AXDND1: variants seen among roughly 807,000 people sequenced by gnomAD.
The protein encoded by AXDND1 is axonemal dynein light chain domain containing 1.
Under a neutral mutation model 137.5 loss-of-function variants are expected in AXDND1, and 110 were observed. That is an observed-to-expected ratio of 0.80 (90% CI 0.69 to 0.94). The LOEUF (loss-of-function observed/expected upper bound fraction) is 0.94. Among genes scored for constraint, AXDND1 ranks in the 40% least tolerant of loss-of-function variants. The probability of loss-of-function intolerance (pLI) is 0.00; values close to 1 mark genes in which losing one functional copy is unlikely to be tolerated. For synonymous variants in AXDND1, 414 were observed against 399.7 expected (o/e 1.04, Z -0.43); for missense variants, 1,191 against 1,169.8 (o/e 1.02, Z -0.26).
intron 12 of AXDND1, among the ~76,000 whole-genome samples, chr1:179,419,460 G>A (rs1287256086): frequency 1.3e-5 from 2 of 148,828 alleles, no homozygotes; most frequent in African/African-American, 4.9e-5. Flanking sequence ...AAAAAAATAC[G>A]AAAACCAGTC....
At chr1:179,458,317 T>A (rs1162207384) in intron 16 of AXDND1, among the ~76,000 whole-genome samples, 1 of 152,134 alleles carries the variant, frequency 6.6e-6, no homozygotes, top group African/African-American at 2.4e-5. Flanking sequence ...CATAGCTAAG[T>A]TTTATTTAAA....
At chr1:179,480,943 T>A (rs1391536026) in intron 17 of AXDND1, among the ~76,000 whole-genome samples, 1 of 150,316 alleles carries the variant, frequency 6.7e-6, no homozygotes, top group Non-Finnish European at 1.5e-5. Flanking sequence ...TTATTTATTT[T>A]TATTTAAAAT....
At chr1:179,502,611 G>C (rs1358511380) in intron 20 of AXDND1, among the ~76,000 whole-genome samples, 2 of 145,836 alleles carry the variant, frequency 1.4e-5, no homozygotes, top group East Asian at 4.0e-4. Context: ...GGCAATACAA[G>C]TGTTAACAAG....
intron 20 of AXDND1, among the ~76,000 whole-genome samples, chr1:179,502,310 A>G (rs1668071007): frequency 6.6e-6 from 1 of 152,202 alleles, no homozygotes; most frequent in Non-Finnish European, 1.5e-5. Context: ...TACGCCTGTA[A>G]TCTCAGCACT....
intron 11 of AXDND1, among the ~76,000 whole-genome samples, chr1:179,408,139 GTT>G: frequency 6.6e-6 from 1 of 151,790 alleles, no homozygotes; most frequent in Non-Finnish European, 1.5e-5. Flanking sequence ...ACCTGTCTCT[GTT>G]GAGTTTCTCA....
chr1:179,524,426 TAAA>T (rs1670354094), intron 21 of AXDND1, among the ~76,000 whole-genome samples: 1 of 152,190 alleles, frequency 6.6e-6, no homozygotes, highest in Non-Finnish European at 1.5e-5. Flanking sequence ...TCTTCCATCT[TAAA>T]CTCCAGATCC....
chr1:179,473,402 G>A lies in AXDND1; in HGVS notation c.1997+4761G>A, dbSNP rs558515951. On this transcript the variant is annotated intron_variant, in intron 17 of 25. Transcript: ENST00000367618. ...AATCCCAGCTACTTGGGAGGCTGAG[G>A]CAGGAGAATTGCTTGAATCCAAGAG... 6.6e-5 allele frequency among the ~76,000 whole-genome samples: 10 copies of A among 152,192 alleles called. No individual in the cohort carries two copies. In the South Asian group the frequency reaches 1.2e-3, roughly 19 times the overall value.
At chr1:179,369,875 G>T in intron 3 of AXDND1, 100 bp from the exon 4 acceptor site, 1 of 763,272 alleles carries the variant, frequency 1.3e-6, no homozygotes, top group Non-Finnish European at 2.1e-6. Flanking sequence ...GTACCCAAGT[G>T]CCCTTAATGT....
intron 4 of AXDND1, among the ~76,000 whole-genome samples, chr1:179,376,175 G>C (rs1187034285): frequency 6.6e-6 from 1 of 152,128 alleles, no homozygotes. Context: ...GGCTCTCTGT[G>C]TTTAGTTCTC....
chr1:179,502,955 C>G (rs1360283477), intron 20 of AXDND1, among the ~76,000 whole-genome samples: 1 of 151,970 alleles, frequency 6.6e-6, no homozygotes, highest in South Asian at 2.1e-4. Flanking sequence ...ATTAGCCAGG[C>G]GTGGTGGCGC....
At chr1:179,533,128 A>G (rs1265950924) in intron 23 of AXDND1, 2 of 152,094 alleles carry the variant, frequency 1.3e-5, no homozygotes, top group East Asian at 1.9e-4. Context: ...TATACCTGAC[A>G]CTGCTTGAGA....
intron 17 of AXDND1, among the ~76,000 whole-genome samples, chr1:179,472,116 C>G (rs1020350763): frequency 2.0e-5 from 3 of 152,166 alleles, no homozygotes; most frequent in African/African-American, 4.8e-5. Context: ...AGGCTAGTCT[C>G]GAATTCCTGA....
chr1:179,393,738 T>C lies in AXDND1; in HGVS notation c.864-165T>C, dbSNP rs184070373. Reference sequence around the variant, plus strand: ...TTTTCTTTTCTTTTTCTTTTTCTTTTTTTTTGCAGCTGTTGTAAAAGGGAT... The same window carrying C: ...TTTTCTTTTCTTTTTCTTTTTCTTTCTTTTTGCAGCTGTTGTAAAAGGGAT... On this transcript the variant is annotated intron_variant, in intron 9 of 25. Transcript: ENST00000367618. Among the ~76,000 whole-genome samples the C allele has an allele frequency of 5.6e-3, 854 of 152,266 alleles. 4 individuals are homozygous for C. The highest frequency in any genetic ancestry group is 0.01 in the Middle Eastern group (3 of 294).
Position 179,534,848 on chromosome 1 carries a change from G to T in AXDND1, c.2917G>T (p.Glu973Ter). The stretch of plus-strand genomic sequence containing the variant: ...GGAATTAGTCATGACATCAAGAAAG[G>T]AGTCTAAAGAAGAGAAAGAAAATCA... ...LEELVMTSRK[E>*]SKEEKENQDE... is the part of the protein sequence containing the mutation. Residue 973 changes from glutamate to a stop codon, truncating the protein, a stop_gained, in exon 25 of 26, where the codon GAG becomes TAG. Coordinates refer to ENST00000367618, the MANE Select transcript of AXDND1 (RefSeq NM_144696.6). LOFTEE classifies it high-confidence loss of function. The T allele has an allele frequency of 6.2e-7, 1 of 1,611,148 alleles. No homozygotes were observed. The highest frequency in any genetic ancestry group is 8.5e-7 in the Non-Finnish European group (1 of 1,179,404).
chr1:179,391,514 TTTATTTATTTATTTATTTAC>T (rs1438054584), intron 9 of AXDND1, among the ~76,000 whole-genome samples: 3 of 129,792 alleles, frequency 2.3e-5, no homozygotes, highest in Middle Eastern at 3.4e-3. Flanking sequence ...GATGATTTTA[TTTATTTATTTATTTATTTAC>T]TTATTTATTT....
intron 2 of AXDND1, 32 bp from the exon 3 acceptor site, chr1:179,368,768 G>A: frequency 6.4e-7 from 1 of 1,554,208 alleles, no homozygotes; most frequent in Non-Finnish European, 8.7e-7. Flanking sequence ...AAAATATATA[G>A]TAAGAGTTTT....
At chr1:179,495,896 C>CTTT (rs34788199) in intron 20 of AXDND1, among the ~76,000 whole-genome samples, 106 of 116,418 alleles carry the variant, frequency 9.1e-4, no homozygotes, top group African/African-American at 2.2e-3. Context: ...GCTGAAAATT[C>CTTT]TTTTTTTTTT....
chr1:179,520,998 G>A (rs145247948), intron 21 of AXDND1, among the ~76,000 whole-genome samples: 2 of 151,414 alleles, frequency 1.3e-5, no homozygotes, highest in Non-Finnish European at 2.9e-5. Flanking sequence ...ATCATACTCT[G>A]TCACCCAGGC....
intron 25 of AXDND1, among the ~76,000 whole-genome samples, chr1:179,549,861 C>A (rs1673032293): frequency 6.6e-6 from 1 of 152,182 alleles, no homozygotes; most frequent in Admixed American, 6.5e-5. Context: ...TATGATCATG[C>A]CCCGGCTGGT....
Sources: gnomAD v4.1 joint callset for allele counts (sites outside exome capture counted in the v4.1 genomes callset) on GRCh38, gnomAD v4.1.1 for gene constraint, MANE v1.5 for transcripts, NCBI Gene and HGNC (gene_info 2026-07-23, HGNC 2026-07-21) for gene names.